The following PDXDC1 variants were observed in gnomAD, a reference collection of about 807,000 sequenced individuals.
PDXDC1 encodes pyridoxal dependent decarboxylase domain containing 1, also known as pyridoxal-dependent decarboxylase domain-containing protein 1.
PDXDC1 carries 42 observed loss-of-function variants against 100.1 expected under a neutral mutation model. That is an observed-to-expected ratio of 0.42 (90% CI 0.33 to 0.54). The LOEUF (loss-of-function observed/expected upper bound fraction) is 0.54. PDXDC1 is among the 20% of genes least tolerant of loss of function. The pLI, the probability that PDXDC1 is intolerant of heterozygous loss-of-function variation, is 0.10. For missense variants in PDXDC1, 636 were observed against 979.2 expected (o/e 0.65, Z 4.68); for synonymous variants, 260 against 371.7 (o/e 0.70, Z 3.46).
intron 5 of PDXDC1, among the ~76,000 whole-genome samples, chr16:15,005,321 G>GAAA (rs1974041083): frequency 1.2e-5 from 1 of 85,042 alleles, no homozygotes; most frequent in Non-Finnish European, 2.7e-5. Context: ...AAAAAAAAAA[G>GAAA]AAAACTCTGT....
downstream of PDXDC1, among the ~76,000 whole-genome samples, chr16:15,143,818 G>A (rs564238142): frequency 6.6e-6 from 1 of 152,348 alleles, no homozygotes; most frequent in African/African-American, 2.4e-5. Context: ...GAGTGCCCCA[G>A]GCGCCCATTT....
chr16:15,096,554 A>C (rs1159089623), intron 16 of PDXDC1, among the ~76,000 whole-genome samples: 1 of 152,240 alleles, frequency 6.6e-6, no homozygotes, highest in African/African-American at 2.4e-5. Flanking sequence ...AGAGGAAATA[A>C]TTGCACCGTA....
At chr16:15,003,767 G>A (rs1351973631) in intron 4 of PDXDC1, among the ~76,000 whole-genome samples, 16 of 152,208 alleles carry the variant, frequency 1.1e-4, no homozygotes, top group Non-Finnish European at 1.6e-4. Flanking sequence ...TGAATCACCT[G>A]AAGTCAGGAG....
At chr16:15,125,406 C>T (rs1219446753) in intron 16 of PDXDC1, 17 of 787,040 alleles carry the variant, frequency 2.2e-5, no homozygotes, top group African/African-American at 5.2e-5. Flanking sequence ...GCACGGACAC[C>T]CTGGGCTTCC....
At chr16:15,095,848 C>CAA (rs770655135) in intron 16 of PDXDC1, among the ~76,000 whole-genome samples, 142 of 124,548 alleles carry the variant, frequency 1.1e-3, no homozygotes, top group Admixed American at 3.9e-3. Context: ...AACTGTGTCT[C>CAA]AAAAAAAAAA....
chr16:15,041,621 A>G, downstream of PDXDC1: 1 of 1,607,504 alleles, frequency 6.2e-7, no homozygotes, highest in Non-Finnish European at 8.5e-7. Flanking sequence ...GGCAGGACTT[A>G]CCTGTCACAC....
At chr16:15,055,006 T>A (rs1484609605) in intron 16 of PDXDC1, among the ~76,000 whole-genome samples, 2 of 152,174 alleles carry the variant, frequency 1.3e-5, no homozygotes, top group African/African-American at 2.4e-5. Context: ...CTGAGCCTTC[T>A]TCATCAGAAA....
intron 16 of PDXDC1, among the ~76,000 whole-genome samples, chr16:15,077,554 T>C (rs2045513593): frequency 6.6e-6 from 1 of 152,016 alleles, no homozygotes; most frequent in African/African-American, 2.4e-5. Context: ...ATTAAACCTC[T>C]TTTTTGGCCA....
intron 16 of PDXDC1, among the ~76,000 whole-genome samples, chr16:15,067,782 G>A (rs964950230): frequency 1.3e-5 from 2 of 152,114 alleles, no homozygotes; most frequent in African/African-American, 4.8e-5. Context: ...TTAAGAGACA[G>A]GGTCTCATTC....
chr16:15,028,298 G>A lies in PDXDC1; in HGVS notation c.1205-580G>A, dbSNP rs1217654837. Among the ~76,000 whole-genome samples, 10 of 152,278 alleles carry A rather than the reference G, an allele frequency of 6.6e-5. 1 individual carries two copies. The highest frequency in any genetic ancestry group is 3.9e-4 in the Admixed American group (6 of 15,292). ...GGTGCCAGCTCCTCCTCACCATTTC[G>A]GTCTCCACTAAGTATCCACATCCTC... On this transcript the variant is annotated intron_variant, in intron 14 of 22. Coordinates refer to ENST00000396410, the MANE Select transcript of PDXDC1 (RefSeq NM_015027.4).
At chr16:15,003,051 CT>C (rs1275875700) in intron 4 of PDXDC1, among the ~76,000 whole-genome samples, 3 of 152,216 alleles carry the variant, frequency 2.0e-5, no homozygotes, top group Non-Finnish European at 2.9e-5. Context: ...CTTTTTCCTT[CT>C]TTTTTACAGT....
chr16:15,021,178 A>G (rs1204580892), intron 12 of PDXDC1, among the ~76,000 whole-genome samples: 4 of 152,274 alleles, frequency 2.6e-5, no homozygotes, highest in African/African-American at 4.8e-5. Context: ...AGAGTTCAAC[A>G]CCAGCCTGGG....
At chr16:15,092,063 C>T (rs1349278256) in intron 16 of PDXDC1, among the ~76,000 whole-genome samples, 1 of 152,058 alleles carries the variant, frequency 6.6e-6, no homozygotes, top group East Asian at 1.9e-4. Context: ...CCTGTAACCC[C>T]ACCTATTCGG....
chr16:14,987,066 A>C (rs1400293093), intron 1 of PDXDC1, among the ~76,000 whole-genome samples: 1 of 152,278 alleles, frequency 6.6e-6, no homozygotes, highest in African/African-American at 2.4e-5. Context: ...ACTCTTAAAA[A>C]TGCTTGGGTT....
chr16:14,984,499 T>TA (rs1968861478), intron 1 of PDXDC1, among the ~76,000 whole-genome samples: 1 of 106,404 alleles, frequency 9.4e-6, no homozygotes, highest in Admixed American at 1.2e-4. Flanking sequence ...ATATATATTT[T>TA]TTTTTTTTTT....
intron 16 of PDXDC1, among the ~76,000 whole-genome samples, chr16:15,057,044 C>G (rs998086762): frequency 6.6e-6 from 1 of 152,138 alleles, no homozygotes; most frequent in Admixed American, 6.5e-5. Context: ...TCATCCAACT[C>G]TGCAGCACAT....
At chr16:15,133,186 A>C in intron 16 of PDXDC1, 2 of 1,025,998 alleles carry the variant, frequency 1.9e-6, no homozygotes, top group South Asian at 1.3e-5. Context: ...CCCTCCGCAA[A>C]GCTCCAGGCA....
At chr16:15,074,538 TC>T in intron 16 of PDXDC1, 1 of 467,716 alleles carries the variant, frequency 2.1e-6, no homozygotes, top group African/African-American at 2.0e-5. Context: ...TCAGCCAGAA[TC>T]CCAGTCCCAT....
intron 12 of PDXDC1, among the ~76,000 whole-genome samples, chr16:15,021,757 C>T (rs2042224881): frequency 6.6e-6 from 1 of 152,292 alleles, no homozygotes; most frequent in Non-Finnish European, 1.5e-5. Flanking sequence ...TGTATATAGC[C>T]ATGCCTTATA....
Sources: allele counts gnomAD v4.1 joint callset (sites outside exome capture counted in the v4.1 genomes callset), GRCh38; gene constraint gnomAD v4.1.1; transcripts MANE v1.5; gene names NCBI Gene and HGNC (gene_info 2026-07-23, HGNC 2026-07-21).